The following SPAG9 variants were observed in gnomAD, a reference collection of about 807,000 sequenced individuals.
SPAG9 encodes the protein C-Jun-amino-terminal kinase-interacting protein 4.
Under a neutral mutation model 166.5 loss-of-function variants are expected in SPAG9, and 35 were observed. That is an observed-to-expected ratio of 0.21 (90% CI 0.16 to 0.28). SPAG9 has a LOEUF of 0.28. Ranked by LOEUF, SPAG9 falls within the 10% of genes least tolerant of loss-of-function variation. The pLI is 1.00. For missense variants in SPAG9, 1,235 were observed against 1,603.3 expected, an observed-to-expected ratio of 0.77 and a Z score of 3.92; for synonymous variants, 534 against 565.5, an observed-to-expected ratio of 0.94 and a Z score of 0.79.
chr17:51,025,896 C>T (rs1040819885), intron 6 of SPAG9, among the ~76,000 whole-genome samples: 6 of 152,032 alleles, frequency 3.9e-5, no homozygotes, highest in Admixed American at 1.3e-4. Context: ...AAGTTTCAAA[C>T]GTAACACACA....
chr17:51,043,126 A>G (rs12452645), intron 4 of SPAG9, among the ~76,000 whole-genome samples: 119,162 of 152,014 alleles, frequency 0.78, 47,754 homozygotes, highest in African/African-American at 0.95. Flanking sequence ...CTGACCTCAC[A>G]TGATCTGCCT....
At chr17:51,066,840 C>T (rs887276706) in intron 2 of SPAG9, among the ~76,000 whole-genome samples, 12 of 151,594 alleles carry the variant, frequency 7.9e-5, no homozygotes, top group Admixed American at 2.0e-4. Context: ...TGCAGTGAGC[C>T]GAGATTACAC....
rs142325730 is a variant in SPAG9, at chr17:51,012,722, C to CTTTATTTATTTA, written c.1213+1498_1213+1509dup. ...TACTTTCAATCTCTCTTACTAGATA[C>CTTTATTTATTTA]TTTATTTATTTATTTATTTATTTAT... On this transcript the variant is annotated intron_variant, in intron 9 of 29. Coordinates refer to ENST00000262013, the MANE Select transcript of SPAG9 (RefSeq NM_001130528.3). Among the ~76,000 whole-genome samples, 938 of 145,826 alleles carry CTTTATTTATTTA rather than the reference C, an allele frequency of 6.4e-3. 17 individuals carry two copies. Among genetic ancestry groups the CTTTATTTATTTA allele is most frequent in the African/African-American group, 0.02 (757 of 38,520 alleles).
chr17:51,084,582 T>A (rs549615308), intron 1 of SPAG9, among the ~76,000 whole-genome samples: 1 of 152,218 alleles, frequency 6.6e-6, no homozygotes, highest in Admixed American at 6.5e-5. Context: ...AATTTTTTTG[T>A]ATTTTTAGTA....
At chr17:51,011,235 G>A (rs1348353098) in intron 9 of SPAG9, among the ~76,000 whole-genome samples, 1 of 151,720 alleles carries the variant, frequency 6.6e-6, no homozygotes, top group Non-Finnish European at 1.5e-5. Flanking sequence ...CTATAGGCAA[G>A]AGGATTCCTT....
At chr17:51,023,781 C>T (rs2046039867) in intron 6 of SPAG9, among the ~76,000 whole-genome samples, 1 of 152,144 alleles carries the variant, frequency 6.6e-6, no homozygotes, top group South Asian at 2.1e-4. Context: ...TCTCGTGCCT[C>T]AGTCCCCTGA....
At chr17:50,992,490 G>C in intron 19 of SPAG9, among the ~76,000 whole-genome samples, 1 of 152,066 alleles carries the variant, frequency 6.6e-6, no homozygotes, top group Non-Finnish European at 1.5e-5. Flanking sequence ...GGGCAACATG[G>C]TGAAACCCTG....
intron 2 of SPAG9, among the ~76,000 whole-genome samples, chr17:51,058,794 A>G (rs770432126): frequency 9.2e-5 from 14 of 152,216 alleles, no homozygotes; most frequent in Non-Finnish European, 1.8e-4. Flanking sequence ...TGGATGTGGA[A>G]CTACTGGAAC....
rs1568028348 is a variant in SPAG9 at position 51,037,689 on chromosome 17, T to TATATATATATATA, written c.741+3811_741+3812insTATATATATATAT. ...TTTATATATATATATATATATAGTGTGTGTGTGTGTGTGTGTGTGTGTGTG... is the reference window on the plus strand; with the variant it reads ...TTTATATATATATATATATATAGTGTATATATATATATAGTGTGTGTGTGTGTGTGTGTGTGTG... On this transcript the variant is annotated intron_variant, in intron 5 of 29. Coordinates refer to ENST00000262013, the MANE Select transcript of SPAG9 (RefSeq NM_001130528.3). Among the ~76,000 whole-genome samples the TATATATATATATA allele has an allele frequency of 4.5e-4, 37 of 82,600 alleles. 1 individual carries two copies. The highest frequency in any genetic ancestry group is 1.5e-3 in the African/African-American group (35 of 23,834). 54.2% of individuals were successfully genotyped at this position (82,600 alleles called of 152,430 possible). A position where few individuals can be genotyped will look rare whatever the true frequency, so the allele number is the denominator to read the frequency against.
intron 13 of SPAG9, among the ~76,000 whole-genome samples, chr17:51,000,431 C>T (rs1163769617): frequency 6.6e-6 from 1 of 152,080 alleles, no homozygotes; most frequent in Non-Finnish European, 1.5e-5. Flanking sequence ...GAGTTAAAAA[C>T]AGCAATGGAA....
At chr17:50,999,510 A>G in intron 14 of SPAG9, 151 bp downstream of exon 14, 1 of 1,498,666 alleles carries the variant, frequency 6.7e-7, no homozygotes, top group Non-Finnish European at 8.8e-7. Flanking sequence ...AAAAAAAAAA[A>G]AGTTCAGTTT....
intron 1 of SPAG9, among the ~76,000 whole-genome samples, chr17:51,111,967 T>C (rs1464982595): frequency 6.6e-6 from 1 of 152,108 alleles, no homozygotes; most frequent in South Asian, 2.1e-4. Context: ...CATAATGGTA[T>C]CTCATTTAGA....
intron 5 of SPAG9, among the ~76,000 whole-genome samples, chr17:51,034,895 A>G (rs538916574): frequency 6.6e-6 from 1 of 152,220 alleles, no homozygotes; most frequent in Non-Finnish European, 1.5e-5. Context: ...AGAAGCCCAA[A>G]GGGAGAGACA....
At chr17:51,097,696 T>C (rs1414508187) in intron 1 of SPAG9, among the ~76,000 whole-genome samples, 1 of 152,190 alleles carries the variant, frequency 6.6e-6, no homozygotes, top group Non-Finnish European at 1.5e-5. Flanking sequence ...GATGTGACAC[T>C]ATCTCAAGTA....
In SPAG9 at chr17:51,110,035, T is replaced by C. The variant is rs189352816; in HGVS notation, c.303+10319A>G. On this transcript the variant is annotated intron_variant, in intron 1 of 29. Transcript: ENST00000262013. ...CCTTGGAAATGTTCTCAAACGTAAA[T>C]AATATGGTGGTTATATGGCAGAATA... 5.1e-4 allele frequency among the ~76,000 whole-genome samples: 77 copies of C among 152,240 alleles called. 1 individual carries two copies. The highest frequency in any genetic ancestry group is 7.4e-5 in the Non-Finnish European group (5 of 68,014).
chr17:51,028,188 C>G (rs1001849560), intron 6 of SPAG9, among the ~76,000 whole-genome samples: 2 of 150,996 alleles, frequency 1.3e-5, no homozygotes, highest in East Asian at 3.9e-4. Flanking sequence ...ACAAAAAAAT[C>G]AAAAAGGTAA....
At chr17:50,981,709 A>G (rs1974654023) in intron 25 of SPAG9, among the ~76,000 whole-genome samples, 1 of 137,974 alleles carries the variant, frequency 7.2e-6, no homozygotes. Flanking sequence ...GCATTTATGT[A>G]TTGTGACAAA....
At chr17:51,058,769 C>T (rs1016088616) in intron 2 of SPAG9, among the ~76,000 whole-genome samples, 6 of 152,130 alleles carry the variant, frequency 3.9e-5, no homozygotes, top group African/African-American at 9.7e-5. Context: ...AAACACAACA[C>T]ACCAAGTGCC....
intron 1 of SPAG9, among the ~76,000 whole-genome samples, chr17:51,118,653 T>C (rs2049371145): frequency 6.6e-6 from 1 of 152,232 alleles, no homozygotes; most frequent in Admixed American, 6.5e-5. Flanking sequence ...CTCTGTTCTA[T>C]AAAGAGTGCT....
Sources: gnomAD v4.1 joint callset for allele counts (sites outside exome capture counted in the v4.1 genomes callset) on GRCh38, gnomAD v4.1.1 for gene constraint, MANE v1.5 for transcripts, NCBI Gene and HGNC (gene_info 2026-07-23, HGNC 2026-07-21) for gene names.